Variants in ZNF385D observed in about 807,000 individuals in gnomAD.
ZNF385D encodes zinc finger protein 659.
ZNF385D carries 15 observed loss-of-function variants against 35.8 expected under a neutral mutation model. The observed-to-expected ratio is 0.42, with a 90% confidence interval of 0.28 to 0.64. The LOEUF (loss-of-function observed/expected upper bound fraction) is 0.64, where lower values mean the gene tolerates loss of function less well. ZNF385D is among the 30% of genes least tolerant of loss of function. ZNF385D has a pLI of 0.23. For synonymous variants in ZNF385D, 212 were observed against 186.8 expected (o/e 1.13, Z -1.10); for missense variants, 474 against 494.6 (o/e 0.96, Z 0.39).
At position 22,017,904 on chromosome 3, in the gene ZNF385D, CAATTT is replaced by C. The variant is rs749191014; in HGVS notation, c.325+150908_325+150912del. Among the ~76,000 whole-genome samples the C allele has an allele frequency of 3.3e-5, 5 of 151,760 alleles. No homozygotes were observed. In the South Asian group the frequency reaches 8.3e-4, roughly 25 times the overall value. On this transcript the variant is annotated intron_variant, in intron 3 of 5. Coordinates refer to the ZNF385D transcript ENST00000494108. ...GTATTCAACTTGTTTTTTGCCTATT[CAATTT>C]ATTTTTCACTGAAATATAACTTTGA...
chr3:21,770,566 G>A (rs562747613), intron 3 of ZNF385D, among the ~76,000 whole-genome samples: 37 of 152,116 alleles, frequency 2.4e-4, no homozygotes, highest in East Asian at 1.6e-3. Flanking sequence ...TTAGAATGGC[G>A]ATCATTAAAA....
intron 3 of ZNF385D, among the ~76,000 whole-genome samples, chr3:21,771,366 G>A (rs1453298149): frequency 6.6e-6 from 1 of 151,708 alleles, no homozygotes; most frequent in Non-Finnish European, 1.5e-5. Flanking sequence ...GAAAGCCCTG[G>A]GGAAAGGGGT....
intron 2 of ZNF385D, among the ~76,000 whole-genome samples, chr3:22,335,594 G>A (rs1219832823): frequency 6.6e-6 from 1 of 152,082 alleles, no homozygotes; most frequent in Non-Finnish European, 1.5e-5. Flanking sequence ...CATGTTGTAT[G>A]TTCTCCCTCA....
At chr3:22,304,304 A>G (rs574551980) in intron 2 of ZNF385D, among the ~76,000 whole-genome samples, 1 of 152,320 alleles carries the variant, frequency 6.6e-6, no homozygotes, top group Admixed American at 6.5e-5. Context: ...GATATGTTGA[A>G]GTCAAAATCT....
chr3:21,734,489 G>C (rs1683289648), intron 1 of ZNF385D, among the ~76,000 whole-genome samples: 3 of 151,758 alleles, frequency 2.0e-5, no homozygotes, highest in Admixed American at 2.0e-4. Context: ...AGACAGAAGA[G>C]ACTAACAGTG....
rs533624210 is a variant in ZNF385D at position 21,865,806 on chromosome 3, T to C, written c.326-200778A>G. On this transcript the variant is annotated intron_variant, in intron 3 of 5. Transcript: ENST00000494108. ...ACCAGTAATTGATCTAGTTACTATA[T>C]TCAAATGTACTCTTTACTACTTCAA... 6.6e-4 allele frequency among the ~76,000 whole-genome samples: 101 copies of C among 152,246 alleles called. 1 individual carries two copies. The highest frequency in any genetic ancestry group is 4.1e-3 in the South Asian group (20 of 4,828).
At chr3:21,755,680 G>A (rs1401051807), upstream of ZNF385D, among the ~76,000 whole-genome samples, 2 of 152,260 alleles carry the variant, frequency 1.3e-5, no homozygotes, top group South Asian at 2.1e-4. Context: ...TTACTTGTAT[G>A]TAACCCAAAT....
At chr3:22,129,469 G>C (rs1703645178) in intron 3 of ZNF385D, among the ~76,000 whole-genome samples, 1 of 152,028 alleles carries the variant, frequency 6.6e-6, no homozygotes, top group Non-Finnish European at 1.5e-5. Flanking sequence ...ATGAGCTAGG[G>C]ACTGGTATCA....
At chr3:22,362,056 G>A in intron 2 of ZNF385D, among the ~76,000 whole-genome samples, 1 of 151,178 alleles carries the variant, frequency 6.6e-6, no homozygotes, top group Non-Finnish European at 1.5e-5. Context: ...ATATTAATAT[G>A]GATGTATGCT....
At chr3:22,265,179 T>C (rs769945923) in intron 2 of ZNF385D, among the ~76,000 whole-genome samples, 1 of 151,936 alleles carries the variant, frequency 6.6e-6, no homozygotes, top group Non-Finnish European at 1.5e-5. Context: ...TTGTGGTAAA[T>C]GCATCAGAAA....
intron 2 of ZNF385D, among the ~76,000 whole-genome samples, chr3:22,281,622 C>A (rs1029911421): frequency 6.6e-6 from 1 of 151,866 alleles, no homozygotes; most frequent in Non-Finnish European, 1.5e-5. Context: ...TTTTGATAGG[C>A]TGTTGGATCA....
chr3:22,067,607 G>A (rs76685978), intron 3 of ZNF385D, among the ~76,000 whole-genome samples: 2,047 of 152,246 alleles, frequency 0.013, 49 homozygotes, highest in African/African-American at 0.046. Flanking sequence ...ACACTTCAAT[G>A]TTCACAGCTG....
intron 3 of ZNF385D, among the ~76,000 whole-genome samples, chr3:21,511,230 C>A (rs1278425934): frequency 2.0e-5 from 3 of 152,076 alleles, no homozygotes; most frequent in South Asian, 2.1e-4. Flanking sequence ...GGAAGAAATA[C>A]TCTGTTGTTT....
At chr3:21,502,340 A>G (rs943718600) in intron 4 of ZNF385D, among the ~76,000 whole-genome samples, 1 of 152,166 alleles carries the variant, frequency 6.6e-6, no homozygotes. Flanking sequence ...TAAGTTGCTT[A>G]CATCCCTGTT....
intron 3 of ZNF385D, among the ~76,000 whole-genome samples, chr3:21,803,524 C>T (rs1166902359): frequency 6.6e-6 from 1 of 152,036 alleles, no homozygotes; most frequent in Non-Finnish European, 1.5e-5. Flanking sequence ...AAATGTTTCA[C>T]ATTTCAGCTT....
intron 2 of ZNF385D, among the ~76,000 whole-genome samples, chr3:22,307,392 T>A (rs889796332): frequency 6.6e-6 from 1 of 152,130 alleles, no homozygotes; most frequent in Admixed American, 6.6e-5. Context: ...AAGAGAGCCA[T>A]TGGACTAGAG....
chr3:22,000,291 C>T (rs1245770266), intron 3 of ZNF385D, among the ~76,000 whole-genome samples: 5 of 122,462 alleles, frequency 4.1e-5, no homozygotes, highest in South Asian at 2.8e-4. Context: ...GGTGACAGAG[C>T]GAGACTCCAT....
At chr3:22,157,629 CTT>C (rs1025247181) in intron 3 of ZNF385D, among the ~76,000 whole-genome samples, 60 of 152,208 alleles carry the variant, frequency 3.9e-4, no homozygotes, top group Middle Eastern at 3.4e-3. Context: ...TTTTTAACCT[CTT>C]ATGCATTGAT....
At chr3:21,811,878 T>C (rs184473953) in intron 3 of ZNF385D, among the ~76,000 whole-genome samples, 90 of 152,300 alleles carry the variant, frequency 5.9e-4, no homozygotes, top group Non-Finnish European at 1.1e-3. Flanking sequence ...GCATAATGAA[T>C]AGATTAGGGT....
Sources: gnomAD v4.1 joint callset for allele counts (sites outside exome capture counted in the v4.1 genomes callset) on GRCh38, gnomAD v4.1.1 for gene constraint, MANE v1.5 for transcripts, NCBI Gene and HGNC (gene_info 2026-07-23, HGNC 2026-07-21) for gene names.